The following TASP1 variants were observed in gnomAD, a reference collection of about 807,000 sequenced individuals.
The protein encoded by TASP1 is taspase 1.
In TASP1, 16 loss-of-function variants were observed where a neutral mutation model predicts 56.6. That is an observed-to-expected ratio of 0.28 (90% CI 0.19 to 0.43). The LOEUF (loss-of-function observed/expected upper bound fraction) is 0.43. Ranked by LOEUF, TASP1 falls within the 20% of genes least tolerant of loss-of-function variation. The pLI, the probability that TASP1 is intolerant of heterozygous loss-of-function variation, is 1.00. For missense variants in TASP1, 393 were observed against 511.6 expected, an observed-to-expected ratio of 0.77 and a Z score of 2.24; for synonymous variants, 179 against 184.2, an observed-to-expected ratio of 0.97 and a Z score of 0.23.
chr20:13,600,425 GAC>G (rs2047912211), intron 4 of TASP1: 1 of 152,256 alleles, frequency 6.6e-6, no homozygotes. Context: ...TTCAGAAATA[GAC>G]ACACAGAGAA....
intron 8 of TASP1, among the ~76,000 whole-genome samples, chr20:13,540,714 GA>G (rs1314445499): frequency 1.3e-5 from 2 of 152,272 alleles, no homozygotes; most frequent in East Asian, 3.9e-4. Context: ...CTTCATTGGG[GA>G]GGACACCACC....
At chr20:13,549,283 T>G (rs1202362546) in intron 8 of TASP1, among the ~76,000 whole-genome samples, 2 of 152,176 alleles carry the variant, frequency 1.3e-5, no homozygotes, top group Non-Finnish European at 2.9e-5. Context: ...CCCGACTATG[T>G]ATTTAAAATA....
chr20:13,618,396 G>C (rs532039409), intron 4 of TASP1, among the ~76,000 whole-genome samples: 10 of 152,094 alleles, frequency 6.6e-5, no homozygotes, highest in South Asian at 6.2e-4. Flanking sequence ...CTAGGCGACA[G>C]AGCAAGAATC....
chr20:13,581,106 C>G, intron 5 of TASP1, 125 bp from the exon 6 acceptor site: 2 of 750,936 alleles, frequency 2.7e-6, no homozygotes, highest in East Asian at 2.7e-5. Context: ...TTCGATATAT[C>G]AAATAATACT....
intron 13 of TASP1, chr20:13,392,913 A>C (rs2041345933): frequency 3.1e-6 from 2 of 638,478 alleles, no homozygotes; most frequent in African/African-American, 3.6e-5. Flanking sequence ...TTCAGGAGTG[A>C]GATCCCACCA....
chr20:13,274,057 A>C, the TASP1 span, among the ~76,000 whole-genome samples: 6 of 64,134 alleles, frequency 9.4e-5, no homozygotes, highest in African/African-American at 5.2e-4. Context: ...GTTGGCGTGT[A>C]ATTGTGTGTG....
the TASP1 span, among the ~76,000 whole-genome samples, chr20:13,129,780 T>C: frequency 1.3e-5 from 2 of 152,210 alleles, no homozygotes; most frequent in Non-Finnish European, 2.9e-5. Flanking sequence ...ACATGAGCAT[T>C]TGCTCCTCAG....
At chr20:13,526,444 A>G (rs1180936927) in intron 10 of TASP1, among the ~76,000 whole-genome samples, 1 of 152,176 alleles carries the variant, frequency 6.6e-6, no homozygotes, top group African/African-American at 2.4e-5. Flanking sequence ...GGGCCATACT[A>G]AATTATGTTC....
At chr20:13,624,498 C>T (rs1899878821) in intron 3 of TASP1, among the ~76,000 whole-genome samples, 1 of 151,902 alleles carries the variant, frequency 6.6e-6, no homozygotes. Flanking sequence ...TTTAATGTTA[C>T]GTAAATATCA....
intron 11 of TASP1, among the ~76,000 whole-genome samples, chr20:13,464,017 G>A (rs2044155628): frequency 1.3e-5 from 2 of 152,082 alleles, no homozygotes; most frequent in Admixed American, 1.3e-4. Flanking sequence ...CAAAAGAACT[G>A]AAAGCAAATC....
At chr20:13,176,022 ATAAT>A in the TASP1 span, among the ~76,000 whole-genome samples, 13 of 152,202 alleles carry the variant, frequency 8.5e-5, no homozygotes, top group Admixed American at 3.3e-4. Flanking sequence ...TCAAAATATA[ATAAT>A]TAATAGTAAA....
chr20:13,106,254 A>G, the TASP1 span, among the ~76,000 whole-genome samples: 1 of 152,324 alleles, frequency 6.6e-6, no homozygotes, highest in South Asian at 2.1e-4. Flanking sequence ...GGAAAAGAAC[A>G]TTGATGCAAT....
chr20:13,229,076 TCTTTC>T, the TASP1 span, among the ~76,000 whole-genome samples: 7 of 152,130 alleles, frequency 4.6e-5, no homozygotes, highest in African/African-American at 1.7e-4. Flanking sequence ...TCTTTCCCTT[TCTTTC>T]CTTTTTCTTC....
At chr20:13,313,875 G>C in the TASP1 span, among the ~76,000 whole-genome samples, 1 of 152,160 alleles carries the variant, frequency 6.6e-6, no homozygotes, top group Admixed American at 6.5e-5. Context: ...GGGCTCTAAT[G>C]AATAAAGTTG....
chr20:13,294,312 C>G, the TASP1 span, among the ~76,000 whole-genome samples: 1 of 152,208 alleles, frequency 6.6e-6, no homozygotes, highest in East Asian at 1.9e-4. Context: ...CCTCCAATCC[C>G]TTCACACACA....
At chr20:13,413,859 C>T (rs570998318) in intron 13 of TASP1, among the ~76,000 whole-genome samples, 16 of 152,240 alleles carry the variant, frequency 1.1e-4, no homozygotes, top group African/African-American at 3.6e-4. Context: ...ATCCATTCAT[C>T]CACATAATAT....
chr20:13,383,000 T>C, the TASP1 span, among the ~76,000 whole-genome samples: 373 of 152,246 alleles, frequency 2.4e-3, no homozygotes, highest in Middle Eastern at 0.01. Context: ...TGTGAAGCCA[T>C]CTGGAAAGTG....
At chr20:13,393,103 T>C in intron 13 of TASP1, 1 of 626,584 alleles carries the variant, frequency 1.6e-6, no homozygotes, top group Non-Finnish European at 3.0e-6. Flanking sequence ...GACAACAGTC[T>C]CAAGATCGTC....
At chr20:13,533,871 G>T in intron 9 of TASP1, 151 bp downstream of exon 9, 1 of 849,642 alleles carries the variant, frequency 1.2e-6, no homozygotes, top group South Asian at 2.0e-5. Context: ...ATTTTAAAAA[G>T]GTATTTGGTT....
Sources: allele counts gnomAD v4.1 joint callset (sites outside exome capture counted in the v4.1 genomes callset), GRCh38; gene constraint gnomAD v4.1.1; transcripts MANE v1.5; gene names NCBI Gene and HGNC (gene_info 2026-07-23, HGNC 2026-07-21).